Variants in LCMT2 observed in about 807,000 individuals in gnomAD.
LCMT2 encodes the protein tRNA wybutosine-synthesizing protein 4.
In LCMT2, 34 loss-of-function variants were observed where a neutral mutation model predicts 42.0. The ratio of observed to expected loss-of-function variants is 0.81; its 90% CI spans 0.62 to 1.08. The LOEUF is 1.08. LCMT2 is among the 50% of genes least tolerant of loss of function. The probability of loss-of-function intolerance (pLI) is 0.00; values close to 1 mark genes in which losing one functional copy is unlikely to be tolerated. For missense variants in LCMT2, 1,091 were observed against 889.4 expected (o/e 1.23, Z -2.88); for synonymous variants, 445 against 369.5 (o/e 1.20, Z -2.34).
chr15:43,325,541 A>G lies in LCMT2; in HGVS notation c.*2888T>C, dbSNP rs2043113168. 6.6e-6 allele frequency: 1 copy of G among 152,186 alleles called. No homozygotes were observed. Among genetic ancestry groups the G allele is most frequent in the African/African-American group, 2.4e-5 (1 of 41,438 alleles). 9.4% of individuals were successfully genotyped at this position (152,186 alleles called of 1,614,324 possible). On this transcript the variant is annotated 3_prime_UTR_variant, in exon 1 of 1. Transcript: ENST00000305641. ...TCAGTTAGAGGTGGAGGGCATGCTT[A>G]ATCTGGTAATCACTTATAGGAAATG...
In LCMT2 at chr15:43,328,401, T is replaced by C. The variant is rs370004997; in HGVS notation, c.*28A>G. 4.0e-5 allele frequency: 63 copies of C among 1,590,428 alleles called. 1 individual carries two copies. In the East Asian group the frequency reaches 8.1e-4, roughly 20 times the overall value. On this transcript the variant is annotated 3_prime_UTR_variant, in exon 1 of 1. Coordinates refer to ENST00000305641, the MANE Select transcript of LCMT2 (RefSeq NM_014793.5). ...TTGTGGAAAACTTTATTGTCTACTT[T>C]AGTGGGTCCTGAATATTAGTCCAGT...
Position 43,330,049 on chromosome 15 carries a change from C to G in LCMT2, c.441G>C (p.Ala147=), listed in dbSNP as rs771160077. ...AGTAGTCTGCGCTCTCAAAGCACAG[C>G]GCGGACGCGGGCTCCCCCCTCTCGA... ...GPFERGEPAS[A]LCFESADYCI... is the part of the protein sequence containing the mutation. Residue 147 remains alanine, a synonymous_variant, in exon 1 of 1, where the codon GCG becomes GCC. Coordinates refer to ENST00000305641, the MANE Select transcript of LCMT2 (RefSeq NM_014793.5). 1 of 1,612,498 alleles carries G rather than the reference C, an allele frequency of 6.2e-7. No homozygotes were observed. The highest frequency in any genetic ancestry group is 8.5e-7 in the Non-Finnish European group (1 of 1,179,950).
In LCMT2 at chr15:43,328,252, ATT is replaced by A. The variant is rs2043128703; in HGVS notation, c.*175_*176del. On this transcript the variant is annotated 3_prime_UTR_variant, in exon 1 of 1. Transcript: ENST00000305641. ...CTGTCTTCAGCTGTTTTCTGTAGTG[ATT>A]GTTTCTAGGTATTTTACCTATTTTA... 4.7e-6 allele frequency: 3 copies of A among 642,690 alleles called. No homozygotes were observed. Among genetic ancestry groups the A allele is most frequent in the Non-Finnish European group, 7.9e-6 (3 of 380,026 alleles). The allele number at this position is 642,690 out of a possible 1,614,324, so 39.8% of individuals were successfully genotyped here. A position where few individuals can be genotyped will look rare whatever the true frequency, so the allele number is the denominator to read the frequency against.
Position 43,330,382 on chromosome 15 carries a change from G to C in LCMT2, c.108C>G (p.Pro36=). 6.2e-7 allele frequency: 1 copy of C among 1,601,860 alleles called. No homozygotes were observed. The highest frequency in any genetic ancestry group is 8.5e-7 in the Non-Finnish European group (1 of 1,176,742). Residue 36 remains proline, a synonymous_variant, in exon 1 of 1, where the codon CCC becomes CCG. Transcript: ENST00000305641. ...SLAARGYVQD[P]FAALLVPGAA... The stretch of plus-strand genomic sequence containing the variant: ...CGCCCGGAACCAGCAACGCGGCAAA[G>C]GGGTCCTGCACGTACCCGCGCGCGG...
In LCMT2 at chr15:43,330,240, G is replaced by A. The variant is rs1167398101; in HGVS notation, c.250C>T (p.Gln84Ter). 1.9e-6 allele frequency: 3 copies of A among 1,606,126 alleles called. No individual in the cohort carries two copies. Among genetic ancestry groups the A allele is most frequent in the East Asian group, 2.2e-5 (1 of 44,834 alleles). Residue 84 changes from glutamine (Q) to a stop codon, truncating the protein, a stop_gained, in exon 1 of 1, where the codon CAG becomes TAG. Transcript: ENST00000305641. LOFTEE classifies it high-confidence loss of function. The part of the protein sequence containing the change: ...IGAPQAALRA[Q>*]ILSLGAGFDS... ...AAGCCAGCGCCGAGAGACAAGATCT[G>A]CGCGCGAAGCGCGGCCTGGGGCGCG...
At position 43,329,528 on chromosome 15, in the gene LCMT2, A is replaced by G. The variant is rs1414966063; in HGVS notation, c.962T>C (p.Leu321Pro). 2 of 1,614,184 alleles carry G rather than the reference A, an allele frequency of 1.2e-6. No individual in the cohort carries two copies. Among genetic ancestry groups the G allele is most frequent in the Non-Finnish European group, 1.7e-6 (2 of 1,180,012 alleles). ...ASRGDTLSHTLVFPSSEAFPR... is the reference protein window; with the variant it reads ...ASRGDTLSHTPVFPSSEAFPR... ...AAATGCCTCTGAGGATGGAAACACT[A>G]GGGTGTGGGAGAGGGTGTCTCCCCT... Residue 321 changes from leucine (L) to proline (P), a missense_variant, in exon 1 of 1, where the codon CTA becomes CCA. Leu to Pro is a moderately conservative substitution (Grantham distance 98). Coordinates refer to ENST00000305641, the MANE Select transcript of LCMT2 (RefSeq NM_014793.5).
chr15:43,329,135 A>G lies in LCMT2; in HGVS notation c.1355T>C (p.Phe452Ser). Residue 452 changes from phenylalanine to serine, a missense_variant, in exon 1 of 1, where the codon TTT (phenylalanine) becomes TCT (serine). Transcript: ENST00000305641. ...CTCAGTGTTATTATCCTCACTCTTAAAAAAATGAAGCTGGAGAACCCCCAA... is the reference window on the plus strand; with the variant it reads ...CTCAGTGTTATTATCCTCACTCTTAGAAAAATGAAGCTGGAGAACCCCCAA... ...PALGVLQLHF[F>S]KSEDNNTEDL... 1 of 1,614,012 alleles carries G rather than the reference A, an allele frequency of 6.2e-7. No individual in the cohort carries two copies. The highest frequency in any genetic ancestry group is 8.5e-7 in the Non-Finnish European group (1 of 1,180,022).
chr15:43,328,936 T>C lies in LCMT2; in HGVS notation c.1554A>G (p.Thr518=). Residue 518 remains threonine, a synonymous_variant, in exon 1 of 1, where the codon ACA becomes ACG. Coordinates refer to ENST00000305641, the MANE Select transcript of LCMT2 (RefSeq NM_014793.5). ...CCACTGGGATCCTGACCCAAGCCAT[T>C]GTCCCTACATGGAGGAAATGCCAGT... ...LSDWHFLHVG[T]MAWVRIPVEG... is the part of the protein sequence containing the mutation. 1 of 1,614,188 alleles carries C rather than the reference T, an allele frequency of 6.2e-7. No homozygotes were observed. Among genetic ancestry groups the C allele is most frequent in the South Asian group, 1.1e-5 (1 of 91,078 alleles).
rs751409095 is a variant in LCMT2, at chr15:43,330,480, G to A, written c.10C>T (p.Arg4Trp). 3.9e-6 allele frequency: 6 copies of A among 1,520,730 alleles called. No homozygotes were observed. The highest frequency in any genetic ancestry group is 5.3e-6 in the Non-Finnish European group (6 of 1,139,302). The allele number at this position is 1,520,730 out of a possible 1,614,324, so 94.2% of individuals were successfully genotyped here. A position where few individuals can be genotyped will look rare whatever the true frequency, so the allele number is the denominator to read the frequency against. Reference sequence around the variant, plus strand: ...GCGCCTGCCCGACGCTCACGGCTCCGGGGGCCCATGGCCAGAAGAGACTCA... The same window carrying A: ...GCGCCTGCCCGACGCTCACGGCTCCAGGGGCCCATGGCCAGAAGAGACTCA... MGP[R>W]SRERRAGAVQ... The change falls in exon 1 of 1, where the codon CGG becomes TGG. Residue 4 changes from arginine (R) to tryptophan (W), a missense_variant. Physicochemically the swap from Arg to Trp is moderately radical, Grantham distance 101. Coordinates refer to ENST00000305641, the MANE Select transcript of LCMT2 (RefSeq NM_014793.5).
rs906696364 is a variant in LCMT2 at position 43,330,570 on chromosome 15, A to AG, written c.-82dup. 3 of 1,453,024 alleles carry AG rather than the reference A, an allele frequency of 2.1e-6. No homozygotes were observed. The highest frequency in any genetic ancestry group is 2.6e-4 in the Middle Eastern group (1 of 3,900). 90.0% of individuals were successfully genotyped at this position (1,453,024 alleles called of 1,614,324 possible). The stretch of plus-strand genomic sequence containing the variant: ...TAGCACACACCTCACGGACCTCGGT[A>AG]GGGGGAAAAAAACCACCCATGCTCC... On this transcript the variant is annotated 5_prime_UTR_variant, in exon 1 of 1. Transcript: ENST00000305641.
At position 43,330,062 on chromosome 15, in the gene LCMT2, TC is replaced by T. The variant is rs1277104000; in HGVS notation, c.427del (p.Glu143SerfsTer49). The T allele has an allele frequency of 6.2e-6, 10 of 1,611,526 alleles. 1 individual carries two copies. Among genetic ancestry groups the T allele is most frequent in the Non-Finnish European group, 6.8e-6 (8 of 1,179,764 alleles). ...CALTGPFERG[E>X]PASALCFESA... ...CTCAAAGCACAGCGCGGACGCGGGCTCCCCCCTCTCGAAAGGCCCGGTTAAC... is the reference window on the plus strand; with the variant it reads ...CTCAAAGCACAGCGCGGACGCGGGCTCCCCCTCTCGAAAGGCCCGGTTAAC... On this transcript the variant is annotated frameshift_variant, in exon 1 of 1. Coordinates refer to ENST00000305641, the MANE Select transcript of LCMT2 (RefSeq NM_014793.5). LOFTEE classifies it high-confidence loss of function.
Position 43,329,143 on chromosome 15 carries a change from A to C in LCMT2, c.1347T>G (p.Leu449=), listed in dbSNP as rs2043143110. The C allele has an allele frequency of 6.2e-7, 1 of 1,614,010 alleles. No homozygotes were observed. Among genetic ancestry groups the C allele is most frequent in the Admixed American group, 1.7e-5 (1 of 60,022 alleles). ...PVSPALGVLQ[L]HFFKSEDNNT... is the part of the protein sequence containing the mutation. ...TATTATCCTCACTCTTAAAAAAATG[A>C]AGCTGGAGAACCCCCAAGGCTGGAC... The change falls in exon 1 of 1, where the codon CTT becomes CTG. Residue 449 remains leucine, a synonymous_variant. Coordinates refer to ENST00000305641, the MANE Select transcript of LCMT2 (RefSeq NM_014793.5).
rs762543873 is a variant in LCMT2, at chr15:43,329,708, G to A, written c.782C>T (p.Ala261Val). The change falls in exon 1 of 1, where the codon GCT becomes GTT. Residue 261 changes from alanine to valine, a missense_variant. Transcript: ENST00000305641. Reference protein sequence around the residue: ...VEAQRRRFLQAGWTACGAVDM... With the variant: ...VEAQRRRFLQVGWTACGAVDM... ...CACGGCACCGCAGGCGGTCCAGCCA[G>A]CTTGAAGGAAGCGGCGCCGCTGCGC... 5 of 1,613,440 alleles carry A rather than the reference G, an allele frequency of 3.1e-6. No individual in the cohort carries two copies. The Middle Eastern group carries it at 6.6e-4, about 213-fold the overall frequency.
chr15:43,330,014 C>T lies in LCMT2; in HGVS notation c.476G>A (p.Gly159Asp). The T allele has an allele frequency of 1.2e-6, 2 of 1,612,744 alleles. No homozygotes were observed. Among genetic ancestry groups the T allele is most frequent in the Non-Finnish European group, 1.7e-6 (2 of 1,179,942 alleles). Residue 159 changes from glycine (G) to aspartate (D), a missense_variant, in exon 1 of 1, where the codon GGT becomes GAT. Coordinates refer to ENST00000305641, the MANE Select transcript of LCMT2 (RefSeq NM_014793.5). ...TCGCTGGAGCTGCCGCAAGTCCAGA[C>T]CCAGGATGCAGTAGTCTGCGCTCTC... The part of the protein sequence containing the change: ...CFESADYCIL[G>D]LDLRQLQRVE...
chr15:43,326,305 T>C lies in LCMT2; in HGVS notation c.*2124A>G, dbSNP rs2043117987. On this transcript the variant is annotated 3_prime_UTR_variant, in exon 1 of 1. Transcript: ENST00000305641. ...TGCTGATCATATTCCCTGCCAGTTT[T>C]CTACTACCTGGCCCACTGATCGCCT... 2 of 152,186 alleles carry C rather than the reference T, an allele frequency of 1.3e-5. No homozygotes were observed. Among genetic ancestry groups the C allele is most frequent in the African/African-American group, 4.8e-5 (2 of 41,428 alleles). The allele number at this position is 152,186 out of a possible 1,614,324, so 9.4% of individuals were successfully genotyped here. A position where few individuals can be genotyped will look rare whatever the true frequency, so the allele number is the denominator to read the frequency against.
chr15:43,329,862 A>G lies in LCMT2; in HGVS notation c.628T>C (p.Phe210Leu). Residue 210 changes from phenylalanine to leucine, a missense_variant, in exon 1 of 1, where the codon TTT becomes CTT. Coordinates refer to ENST00000305641, the MANE Select transcript of LCMT2 (RefSeq NM_014793.5). ...AALIAWAAQR[F>L]PNALFVVYEQ... is the part of the protein sequence containing the mutation. ...TAGACCACGAAAAGGGCATTAGGAAAACGCTGGGCTGCCCAGGCGATGAGG... is the reference window on the plus strand; with the variant it reads ...TAGACCACGAAAAGGGCATTAGGAAGACGCTGGGCTGCCCAGGCGATGAGG... 6.2e-7 allele frequency: 1 copy of G among 1,613,706 alleles called. No homozygotes were observed. The highest frequency in any genetic ancestry group is 8.5e-7 in the Non-Finnish European group (1 of 1,179,932).
In LCMT2 at chr15:43,325,019, C is replaced by T. The variant is rs1241196323; in HGVS notation, c.*3410G>A. 1 of 151,738 alleles carries T rather than the reference C, an allele frequency of 6.6e-6. No individual in the cohort carries two copies. Among genetic ancestry groups the T allele is most frequent in the Non-Finnish European group, 1.5e-5 (1 of 67,996 alleles). The allele number at this position is 151,738 out of a possible 1,614,324, so 9.4% of individuals were successfully genotyped here. A position where few individuals can be genotyped will look rare whatever the true frequency, so the allele number is the denominator to read the frequency against. On this transcript the variant is annotated 3_prime_UTR_variant, in exon 1 of 1. Coordinates refer to ENST00000305641, the MANE Select transcript of LCMT2 (RefSeq NM_014793.5). ...GCTCCAGAAAGATGAAAAACGGGCACTCAGTTTTAAAACTCAGAAAGTACA... is the reference window on the plus strand; with the variant it reads ...GCTCCAGAAAGATGAAAAACGGGCATTCAGTTTTAAAACTCAGAAAGTACA...
Position 43,328,951 on chromosome 15 carries a change from G to A in LCMT2, c.1539C>T (p.Phe513=). Residue 513 remains phenylalanine (F), a synonymous_variant, in exon 1 of 1, where the codon TTC becomes TTT. Transcript: ENST00000305641. ...VVEPVLSDWH[F]LHVGTMAWVR... ...CCCAAGCCATTGTCCCTACATGGAG[G>A]AAATGCCAGTCACTTAGTACAGGTT... 6.2e-7 allele frequency: 1 copy of A among 1,614,160 alleles called. No individual in the cohort carries two copies. The highest frequency in any genetic ancestry group is 8.5e-7 in the Non-Finnish European group (1 of 1,180,032).
Position 43,330,173 on chromosome 15 carries a change from G to A in LCMT2, c.317C>T (p.Ala106Val). ...YFRLKTAGRL[A>V]RAAVWEVDFP... ...ATCCACCTCCCAGACTGCAGCCCGG[G>A]CCAGGCGGCCCGCGGTTTTTAAGCG... Residue 106 changes from alanine to valine, a missense_variant, in exon 1 of 1, where the codon GCC (alanine) becomes GTC (valine). Ala to Val is a moderately conservative substitution (Grantham distance 64). Coordinates refer to ENST00000305641, the MANE Select transcript of LCMT2 (RefSeq NM_014793.5). The A allele has an allele frequency of 1.9e-6, 3 of 1,611,698 alleles. No homozygotes were observed. The highest frequency in any genetic ancestry group is 1.7e-6 in the Non-Finnish European group (2 of 1,179,862).
Sources: gnomAD v4.1 joint callset for allele counts on GRCh38, gnomAD v4.1.1 for gene constraint, MANE v1.5 for transcripts, NCBI Gene and HGNC (gene_info 2026-07-23, HGNC 2026-07-21) for gene names.